The following NBAS variants were observed in gnomAD, a reference collection of about 807,000 sequenced individuals.
NBAS encodes the protein NBAS subunit of NRZ tethering complex.
Under a neutral mutation model 302.5 loss-of-function variants are expected in NBAS, and 219 were observed. The observed-to-expected ratio is 0.72, with a 90% CI of 0.65 to 0.81. NBAS has a LOEUF of 0.81. NBAS is among the 30% of genes least tolerant of loss of function. The pLI is 0.00. For missense variants in NBAS, 2,932 were observed against 2,841.6 expected, an observed-to-expected ratio of 1.03 and a Z score of -0.72; for synonymous variants, 1,118 against 1,021.6, an observed-to-expected ratio of 1.09 and a Z score of -1.80.
intron 7 of NBAS, among the ~76,000 whole-genome samples, chr2:15,538,594 G>A (rs893469398): frequency 3.9e-5 from 6 of 152,120 alleles, no homozygotes; most frequent in Non-Finnish European, 8.8e-5. Flanking sequence ...GAGAACCACT[G>A]TTCTATCTGA....
intron 38 of NBAS, among the ~76,000 whole-genome samples, chr2:15,316,399 G>A (rs554496236): frequency 1.7e-4 from 26 of 152,330 alleles, no homozygotes; most frequent in Admixed American, 7.2e-4. Flanking sequence ...CACAGAGGGC[G>A]AGATGAAGTA....
intron 21 of NBAS, among the ~76,000 whole-genome samples, chr2:15,446,101 T>C (rs143870049): frequency 0.013 from 1,933 of 150,458 alleles, 32 homozygotes; most frequent in East Asian, 0.06. Context: ...AAAAAGTGTG[T>C]GTATTGGGAA....
Position 15,424,453 on chromosome 2 carries a change from C to T in NBAS, c.2439G>A (p.Pro813=), listed in dbSNP as rs201838236. 8.1e-6 allele frequency: 13 copies of T among 1,614,044 alleles called. No individual in the cohort carries two copies. The Admixed American group carries it at 1.2e-4, about 14-fold the overall frequency. Residue 813 remains proline, a synonymous_variant, in exon 23 of 52, where the codon CCG becomes CCA. Coordinates refer to ENST00000281513, the MANE Select transcript of NBAS (RefSeq NM_015909.4). ...EELACRMVVE[P]NLQDESEFLY... ...AGAATTCACTTTCATCTTGGAGATT[C>T]GGCTCAACAACCATTCTGTGAAGCA...
At chr2:15,477,736 C>T (rs985121010) in intron 13 of NBAS, among the ~76,000 whole-genome samples, 5 of 152,148 alleles carry the variant, frequency 3.3e-5, no homozygotes, top group African/African-American at 1.2e-4. Flanking sequence ...ATCTCTGTTT[C>T]AATCTAGCAA....
intron 21 of NBAS, among the ~76,000 whole-genome samples, chr2:15,440,035 C>A (rs1678275124): frequency 6.6e-6 from 1 of 152,244 alleles, no homozygotes; most frequent in Non-Finnish European, 1.5e-5. Flanking sequence ...CACCACAGCT[C>A]AAGGAGGCCT....
At chr2:15,464,443 G>T (rs1470583026) in intron 19 of NBAS, among the ~76,000 whole-genome samples, 2 of 151,954 alleles carry the variant, frequency 1.3e-5, no homozygotes, top group African/African-American at 2.4e-5. Context: ...ACATATCTCT[G>T]CTCCTAAAAA....
At chr2:15,381,538 C>A (rs1179182968) in intron 29 of NBAS, among the ~76,000 whole-genome samples, 1 of 152,168 alleles carries the variant, frequency 6.6e-6, no homozygotes, top group East Asian at 1.9e-4. Context: ...TTACTCCACA[C>A]AGAAACTAAC....
chr2:15,558,653 A>G lies in NBAS; in HGVS notation c.118-19T>C. ...CTCTAGGCTGGAATTTAAAACAAAA[A>G]ACACTTACATTTGAATCTTCTAGTA... On this transcript the variant is annotated intron_variant, in intron 1 of 51. Transcript: ENST00000281513. 4 of 1,599,338 alleles carry G rather than the reference A, an allele frequency of 2.5e-6. No homozygotes were observed. The highest frequency in any genetic ancestry group is 3.4e-6 in the Non-Finnish European group (4 of 1,168,052).
the NBAS span, among the ~76,000 whole-genome samples, chr2:14,860,364 T>C: frequency 6.6e-6 from 1 of 152,178 alleles, no homozygotes; most frequent in African/African-American, 2.4e-5. Context: ...ATTGATGTAC[T>C]GAAGAGACAT....
At chr2:14,789,143 G>A in the NBAS span, among the ~76,000 whole-genome samples, 18 of 152,310 alleles carry the variant, frequency 1.2e-4, no homozygotes, top group South Asian at 2.1e-4. Context: ...AGCCATGTGC[G>A]GGATATAATC....
the NBAS span, among the ~76,000 whole-genome samples, chr2:14,916,288 C>T: frequency 6.6e-6 from 1 of 152,112 alleles, no homozygotes; most frequent in Non-Finnish European, 1.5e-5. Flanking sequence ...ATTAGAAGAT[C>T]CCTAAGCCCC....
At chr2:14,854,367 T>C in the NBAS span, among the ~76,000 whole-genome samples, 1 of 151,900 alleles carries the variant, frequency 6.6e-6, no homozygotes, top group Non-Finnish European at 1.5e-5. Context: ...TGGAGCAAGA[T>C]GGCAGAATAG....
intron 47 of NBAS, among the ~76,000 whole-genome samples, chr2:15,230,435 T>A (rs1572489630): frequency 1.3e-5 from 2 of 151,606 alleles, no homozygotes; most frequent in Non-Finnish European, 2.9e-5. Context: ...GTTTCTTTTG[T>A]TAAGAAGGCT....
At chr2:15,396,381 T>C (rs751077563) in intron 27 of NBAS, 32 bp downstream of exon 27, 1 of 1,546,528 alleles carries the variant, frequency 6.5e-7, no homozygotes, top group Non-Finnish European at 8.8e-7. Flanking sequence ...TTAATAAGCA[T>C]GGAGAAAAAA....
At chr2:15,329,771 CA>C in intron 36 of NBAS, among the ~76,000 whole-genome samples, 1 of 152,266 alleles carries the variant, frequency 6.6e-6, no homozygotes, top group East Asian at 1.9e-4. Context: ...CTCCTTGGTT[CA>C]ATCATATCTC....
chr2:15,478,909 C>T lies in NBAS; in HGVS notation c.1084-620G>A, dbSNP rs139875455. Among the ~76,000 whole-genome samples, 294 of 152,238 alleles carry T rather than the reference C, an allele frequency of 1.9e-3. 1 individual carries two copies. The highest frequency in any genetic ancestry group is 6.8e-3 in the African/African-American group (284 of 41,536). ...TTGAGAATAAGCCATTACCTGACGA[C>T]CTCTTGGCTTAGTGTTCCCTTCTTA... On this transcript the variant is annotated intron_variant, in intron 12 of 51. Transcript: ENST00000281513.
the NBAS span, among the ~76,000 whole-genome samples, chr2:14,983,841 G>A: frequency 6.6e-6 from 1 of 152,162 alleles, no homozygotes; most frequent in African/African-American, 2.4e-5. Flanking sequence ...CTTCGTGGGA[G>A]TTTTAAAAGC....
chr2:14,888,410 C>T, the NBAS span, among the ~76,000 whole-genome samples: 1 of 151,838 alleles, frequency 6.6e-6, no homozygotes, highest in Non-Finnish European at 1.5e-5. Flanking sequence ...GGATTACAGG[C>T]GTGAGCCACC....
At chr2:14,831,150 T>TTTGAGTCG in the NBAS span, among the ~76,000 whole-genome samples, 164 of 152,280 alleles carry the variant, frequency 1.1e-3, no homozygotes, top group African/African-American at 3.9e-3. Context: ...TGGTGAGTCG[T>TTTGAGTCG]TTCTGTTTTG....
Sources: allele counts gnomAD v4.1 joint callset (sites outside exome capture counted in the v4.1 genomes callset), GRCh38; gene constraint gnomAD v4.1.1; transcripts MANE v1.5; gene names NCBI Gene and HGNC (gene_info 2026-07-23, HGNC 2026-07-21).